ANO10: variants seen among roughly 807,000 people sequenced by gnomAD.
ANO10 encodes anoctamin 10.
ANO10 carries 77 observed loss-of-function variants against 74.7 expected under a neutral mutation model. The observed-to-expected ratio is 1.03, with a 90% confidence interval of 0.86 to 1.25. The LOEUF (loss-of-function observed/expected upper bound fraction) is 1.25, where lower values mean the gene tolerates loss of function less well. ANO10 is among the 50% of genes most tolerant of loss of function. ANO10 has a pLI of 0.00. For missense variants in ANO10, 721 were observed against 778.1 expected (o/e 0.93, Z 0.87); for synonymous variants, 279 against 284.9 (o/e 0.98, Z 0.21).
At chr3:43,493,671 C>T (rs944111946) in intron 11 of ANO10, among the ~76,000 whole-genome samples, 1 of 151,928 alleles carries the variant, frequency 6.6e-6, no homozygotes, top group Non-Finnish European at 1.5e-5. Flanking sequence ...TTAAGATAAA[C>T]AAACAGAAAA....
intron 4 of ANO10, among the ~76,000 whole-genome samples, chr3:43,597,379 T>C (rs962551317): frequency 2.6e-5 from 4 of 152,176 alleles, no homozygotes; most frequent in African/African-American, 4.8e-5. Flanking sequence ...CTATCAGTGA[T>C]AGACTGGATT....
intron 1 of ANO10, among the ~76,000 whole-genome samples, chr3:43,647,424 G>C (rs1470538159): frequency 6.6e-6 from 1 of 151,990 alleles, no homozygotes; most frequent in Non-Finnish European, 1.5e-5. Context: ...CTCAGCTCCA[G>C]AAGAGAGAGT....
At chr3:43,501,746 T>A (rs1348610239) in intron 11 of ANO10, among the ~76,000 whole-genome samples, 1 of 152,188 alleles carries the variant, frequency 6.6e-6, no homozygotes, top group African/African-American at 2.4e-5. Flanking sequence ...TGAATGGAAC[T>A]AAATCTGTCC....
At chr3:43,681,517 A>C (rs2084199515) in intron 1 of ANO10, among the ~76,000 whole-genome samples, 2 of 152,134 alleles carry the variant, frequency 1.3e-5, no homozygotes, top group Admixed American at 1.3e-4. Flanking sequence ...TAGACAGATC[A>C]ACGAGACAGA....
intron 11 of ANO10, among the ~76,000 whole-genome samples, chr3:43,516,634 T>G (rs1172226257): frequency 6.6e-6 from 1 of 152,142 alleles, no homozygotes; most frequent in Non-Finnish European, 1.5e-5. Context: ...AGGATAGTAG[T>G]GAGGTGCTTA....
chr3:43,605,067 C>G (rs552808665), intron 2 of ANO10, among the ~76,000 whole-genome samples: 2 of 152,062 alleles, frequency 1.3e-5, no homozygotes, highest in Admixed American at 1.3e-4. Flanking sequence ...ATGTAAAACA[C>G]TAAAACACCC....
In ANO10 at chr3:43,366,528, C is replaced by T. The variant is rs1034973071; in HGVS notation, c.*378G>A. 3.4e-5 allele frequency: 13 copies of T among 378,644 alleles called. 1 individual carries two copies. In the East Asian group the frequency reaches 3.9e-4, roughly 11 times the overall value. 23.5% of individuals were successfully genotyped at this position (378,644 alleles called of 1,614,324 possible). A position where few individuals can be genotyped will look rare whatever the true frequency, so the allele number is the denominator to read the frequency against. On this transcript the variant is annotated 3_prime_UTR_variant, in exon 13 of 13. Transcript: ENST00000292246. ...ACACACCCCATCCCCAACCTGTCCA[C>T]GGGTCCCTGGGCCATGGTGGGGTTG...
At chr3:43,540,343 T>C (rs2078901204) in intron 11 of ANO10, among the ~76,000 whole-genome samples, 1 of 152,224 alleles carries the variant, frequency 6.6e-6, no homozygotes, top group African/African-American at 2.4e-5. Context: ...ATGTCTAAGA[T>C]GCCCAGGTTT....
chr3:43,690,649 C>A (rs1373876439), intron 1 of ANO10: 1 of 282,274 alleles, frequency 3.5e-6, no homozygotes, highest in Non-Finnish European at 6.6e-6. Flanking sequence ...CAGCCAACAC[C>A]GACGGGGTGA....
intron 11 of ANO10, among the ~76,000 whole-genome samples, chr3:43,502,013 G>T (rs1439261050): frequency 6.6e-6 from 1 of 152,208 alleles, no homozygotes; most frequent in African/African-American, 2.4e-5. Flanking sequence ...AAAATAACAA[G>T]TGTTGGTGAG....
intron 7 of ANO10, among the ~76,000 whole-genome samples, chr3:43,568,475 A>G (rs1184117600): frequency 6.6e-6 from 1 of 151,692 alleles, no homozygotes; most frequent in Non-Finnish European, 1.5e-5. Context: ...CAGAAATTAT[A>G]ACAAACTATC....
chr3:43,403,503 G>A (rs1025456861), intron 12 of ANO10, among the ~76,000 whole-genome samples: 26 of 152,184 alleles, frequency 1.7e-4, no homozygotes, highest in African/African-American at 4.8e-5. Flanking sequence ...GAGAAGGGCC[G>A]GCTACTCCAA....
chr3:43,576,870 G>A lies in ANO10; in HGVS notation c.984C>T (p.Phe328=). The A allele has an allele frequency of 6.2e-7, 1 of 1,614,180 alleles. No homozygotes were observed. Residue 328 remains phenylalanine, a synonymous_variant, in exon 6 of 13, where the codon TTC becomes TTT. Coordinates refer to ENST00000292246, the MANE Select transcript of ANO10 (RefSeq NM_018075.5). ...AGTAAATCATCATGACATACAGTGA[G>A]AAATAGAGGCAGAGGCACACGAATG... is the stretch of plus-strand genomic sequence containing the variant. ...SLPFVCLCLY[F]SLYVMMIYFD... is the part of the protein sequence containing the mutation.
At chr3:43,660,835 T>G (rs12491956) in intron 1 of ANO10, among the ~76,000 whole-genome samples, 7,670 of 152,216 alleles carry the variant, frequency 0.05, 286 homozygotes, top group South Asian at 0.12. Flanking sequence ...ATGCCTGTAA[T>G]CCTAGCTACT....
intron 11 of ANO10, among the ~76,000 whole-genome samples, chr3:43,432,944 C>G (rs201864170): frequency 3.6e-5 from 2 of 55,276 alleles, no homozygotes; most frequent in Non-Finnish European, 6.7e-5. Flanking sequence ...TTGCTTAATT[C>G]TTTTTTTTTT....
intron 12 of ANO10, among the ~76,000 whole-genome samples, chr3:43,418,326 A>G (rs1274299348): frequency 6.6e-6 from 1 of 152,232 alleles, no homozygotes; most frequent in Non-Finnish European, 1.5e-5. Context: ...AGGAAAACTT[A>G]GCCAAAGGGC....
chr3:43,443,678 T>A (rs1029129637), intron 11 of ANO10, among the ~76,000 whole-genome samples: 9 of 68,942 alleles, frequency 1.3e-4, no homozygotes, highest in African/African-American at 3.6e-4. Flanking sequence ...CTTCCTTCCT[T>A]CTTTTTTTTT....
upstream of ANO10, among the ~76,000 whole-genome samples, chr3:43,622,546 A>G (rs17030517): frequency 0.57 from 87,291 of 152,106 alleles, 26,257 homozygotes; most frequent in East Asian, 0.89. Context: ...CAAGTTGTGA[A>G]AAACGCAGAT....
At chr3:43,560,475 A>T (rs1489073318) in intron 9 of ANO10, among the ~76,000 whole-genome samples, 3 of 152,332 alleles carry the variant, frequency 2.0e-5, no homozygotes, top group Admixed American at 6.5e-5. Flanking sequence ...AAGACTATGA[A>T]AGTTTCACAA....
Sources: allele counts gnomAD v4.1 joint callset (sites outside exome capture counted in the v4.1 genomes callset), GRCh38; gene constraint gnomAD v4.1.1; transcripts MANE v1.5; gene names NCBI Gene and HGNC (gene_info 2026-07-23, HGNC 2026-07-21).